The following IL17RE variants were observed in gnomAD, a reference collection of about 807,000 sequenced individuals.
IL17RE encodes interleukin 17 receptor E, also known as interleukin-17 receptor E.
A neutral mutation model predicts 70.7 loss-of-function variants in IL17RE; 47 were observed. The observed-to-expected ratio is 0.67, with a 90% CI of 0.53 to 0.85. IL17RE has a LOEUF of 0.85. Ranked by LOEUF, IL17RE falls within the 40% of genes least tolerant of loss-of-function variation. The probability of loss-of-function intolerance (pLI) is 0.00; values close to 1 mark genes in which losing one functional copy is unlikely to be tolerated. For missense variants in IL17RE, 850 were observed against 893.9 expected (o/e 0.95, Z 0.63); for synonymous variants, 372 against 381.2 (o/e 0.98, Z 0.28).
chr3:9,902,116 G>C (rs1473454239), upstream of IL17RE, among the ~76,000 whole-genome samples: 1 of 152,084 alleles, frequency 6.6e-6, no homozygotes, highest in Non-Finnish European at 1.5e-5. Flanking sequence ...GTGGGATGAT[G>C]GGGAGGGTTC....
Position 9,914,770 on chromosome 3 carries a change from A to G in IL17RE, c.1440A>G (p.Pro480=). Residue 480 remains proline, a synonymous_variant, in exon 15 of 16, where the codon CCA becomes CCG. Transcript: ENST00000383814. ...GVVLALTCRR[P]QSGPGPARPV... ...TTCTGGCCCTCACCTGCCGGCGCCC[A>G]CAGTCAGGTAAGCTCACCTGGGGTA... The G allele has an allele frequency of 6.2e-7, 1 of 1,613,472 alleles. No homozygotes were observed.
Position 9,910,990 on chromosome 3 carries a change from C to T in IL17RE, c.928C>T (p.His310Tyr). Residue 310 changes from histidine (H) to tyrosine (Y), a missense_variant, in exon 9 of 16, where the codon CAT (histidine) becomes TAT (tyrosine). By Grantham distance (83) the His-to-Tyr change is moderately conservative. Coordinates refer to ENST00000383814, the MANE Select transcript of IL17RE (RefSeq NM_153480.2). ...TGCCCTCTGCCAGAGGCACGACTGGCATACCCTTTGCAAAGACCTCCCGAA... is the reference window on the plus strand; with the variant it reads ...TGCCCTCTGCCAGAGGCACGACTGGTATACCCTTTGCAAAGACCTCCCGAA... ...EAALCQRHDWHTLCKDLPNAT... is the reference protein window; with the variant it reads ...EAALCQRHDWYTLCKDLPNAT... The T allele has an allele frequency of 6.2e-7, 1 of 1,614,208 alleles. No homozygotes were observed. Among genetic ancestry groups the T allele is most frequent in the Non-Finnish European group, 8.5e-7 (1 of 1,180,030 alleles).
rs773003230 is a variant in IL17RE, at chr3:9,907,094, T to C, written c.660T>C (p.Asp220=). 6.2e-7 allele frequency: 1 copy of C among 1,614,164 alleles called. No homozygotes were observed. The highest frequency in any genetic ancestry group is 1.1e-5 in the South Asian group (1 of 91,076). ...LECEELSSPY[D]VQKIVSGGHT... ...GTGAAGAGCTGAGCAGTCCCTATGA[T>C]GTCCAGGTATGGTGTGTCATCCCCC... The change falls in exon 6 of 16, where the codon GAT becomes GAC. Residue 220 remains aspartate, a synonymous_variant. Coordinates refer to ENST00000383814, the MANE Select transcript of IL17RE (RefSeq NM_153480.2).
upstream of IL17RE, among the ~76,000 whole-genome samples, chr3:9,902,285 C>T (rs1181656980): frequency 6.6e-6 from 1 of 152,156 alleles, no homozygotes; most frequent in Non-Finnish European, 1.5e-5. Context: ...AAGCTAGAGG[C>T]CCCTTTGGTA....
At position 9,915,173 on chromosome 3, in the gene IL17RE, T is replaced by C; in HGVS notation, c.1448-78T>C. The stretch of plus-strand genomic sequence containing the variant: ...GGGCGGAGAGGCGAGCACCCTACGG[T>C]ATCCCGAGAGGGTGGGGAGAAGAGG... On this transcript the variant is annotated intron_variant, in intron 15 of 15. Transcript: ENST00000383814. This position sits in a 1 kb window ranked among gnomAD's most constrained non-coding sequence, Gnocchi z 4.9. 2 of 1,338,834 alleles carry C rather than the reference T, an allele frequency of 1.5e-6. No homozygotes were observed. Among genetic ancestry groups the C allele is most frequent in the Non-Finnish European group, 1.9e-6 (2 of 1,047,720 alleles). 82.9% of individuals were successfully genotyped at this position (1,338,834 alleles called of 1,614,324 possible).
At chr3:9,913,812 G>A in intron 12 of IL17RE, 144 bp from the exon 13 acceptor site, 1 of 654,826 alleles carries the variant, frequency 1.5e-6, no homozygotes, top group Non-Finnish European at 2.8e-6. Context: ...GACTGGGGAA[G>A]CCTTCTTGTC....
In IL17RE at chr3:9,907,084, G is replaced by A; in HGVS notation, c.650G>A (p.Ser217Asn). 6.2e-7 allele frequency: 1 copy of A among 1,614,194 alleles called. No homozygotes were observed. Among genetic ancestry groups the A allele is most frequent in the Non-Finnish European group, 8.5e-7 (1 of 1,180,034 alleles). Residue 217 changes from serine (S) to asparagine (N), a missense_variant, in exon 6 of 16, where the codon AGT (serine) becomes AAT (asparagine). By Grantham distance (46) the Ser-to-Asn change is conservative. Transcript: ENST00000383814. ...GCACTGGAGTGTGAAGAGCTGAGCA[G>A]TCCCTATGATGTCCAGGTATGGTGT... ...QWALECEELS[S>N]PYDVQKIVSG...
At chr3:9,911,972 G>A (rs2082905227) in intron 12 of IL17RE, among the ~76,000 whole-genome samples, 1 of 152,010 alleles carries the variant, frequency 6.6e-6, no homozygotes, top group Non-Finnish European at 1.5e-5. Context: ...CAGGTGTCCT[G>A]TAGCCCAGGG....
At chr3:9,906,204 G>A (rs1160129144) in intron 3 of IL17RE, among the ~76,000 whole-genome samples, 160 bp from the exon 4 acceptor site, 5 of 152,110 alleles carry the variant, frequency 3.3e-5, no homozygotes, top group Admixed American at 2.0e-4. Flanking sequence ...AGCCGAGATC[G>A]CGCCATTGCT....
chr3:9,907,147 G>C, intron 6 of IL17RE, 47 bp downstream of exon 6: 2 of 1,609,478 alleles, frequency 1.2e-6, no homozygotes, highest in Non-Finnish European at 1.7e-6. Flanking sequence ...CACAGTGCTA[G>C]CAAAAGAGGC....
chr3:9,906,060 A>C (rs2082747434), intron 3 of IL17RE, among the ~76,000 whole-genome samples: 2 of 151,442 alleles, frequency 1.3e-5, no homozygotes, highest in African/African-American at 4.9e-5. Flanking sequence ...GACCAGCCTG[A>C]CCAACACGCA....
chr3:9,915,380 T>C lies in IL17RE; in HGVS notation c.1577T>C (p.Leu526Pro). 1.5e-6 allele frequency: 2 copies of C among 1,366,116 alleles called. No homozygotes were observed. Among genetic ancestry groups the C allele is most frequent in the South Asian group, 1.8e-5 (1 of 55,190 alleles). The allele number at this position is 1,366,116 out of a possible 1,614,324, so 84.6% of individuals were successfully genotyped here. Reference protein sequence around the residue: ...LGGGRDVIVDLWEGRHVARVG... With the variant: ...LGGGRDVIVDPWEGRHVARVG... ...GGCGGGCGCGACGTGATCGTGGACC[T>C]GTGGGAGGGGAGGCACGTGGCGCGC... The change falls in exon 16 of 16, where the codon CTG (leucine) becomes CCG (proline). Residue 526 changes from leucine to proline, a missense_variant. Physicochemically the swap from Leu to Pro is moderately conservative, Grantham distance 98. Coordinates refer to ENST00000383814, the MANE Select transcript of IL17RE (RefSeq NM_153480.2). The surrounding 1 kb of genome is among the most constrained non-coding windows in gnomAD (Gnocchi z 4.9).
rs755538813 is a variant in IL17RE at position 9,908,313 on chromosome 3, C to G, written c.735+6C>G. On this transcript the variant is annotated splice_donor_region_variant and intron_variant, in intron 7 of 15. Transcript: ENST00000383814. The stretch of plus-strand genomic sequence containing the variant: ...TGCCCTGTCTGTGCATAGAGGTGAG[C>G]AAAGGAAAAGGTGTGGGCTGTCCAT... The G allele has an allele frequency of 6.2e-7, 1 of 1,613,298 alleles. No homozygotes were observed. The highest frequency in any genetic ancestry group is 8.5e-7 in the Non-Finnish European group (1 of 1,179,484).
upstream of IL17RE, chr3:9,902,766 T>C: frequency 1.3e-6 from 2 of 1,537,512 alleles, no homozygotes; most frequent in Non-Finnish European, 1.7e-6. Flanking sequence ...GAATGTGGCC[T>C]GGCTGGCTGG....
intron 13 of IL17RE, 170 bp from the exon 14 acceptor site, chr3:9,914,378 C>T: frequency 6.8e-7 from 1 of 1,480,364 alleles, no homozygotes; most frequent in Non-Finnish European, 8.9e-7. Context: ...TTGAGTTTGC[C>T]ACCATTGACC....
chr3:9,902,499 C>G, upstream of IL17RE: 1 of 879,980 alleles, frequency 1.1e-6, no homozygotes, highest in East Asian at 2.6e-5. Flanking sequence ...CTTAAGAGCT[C>G]GGCTAATTCT....
At chr3:9,910,366 C>CAA (rs561370953) in intron 8 of IL17RE, 105 of 139,182 alleles carry the variant, frequency 7.5e-4, no homozygotes, top group Admixed American at 1.9e-3. Flanking sequence ...AACTCCGTCT[C>CAA]AAAAAAAAAA....
chr3:9,908,351 A>G (rs374479824), intron 7 of IL17RE, 44 bp downstream of exon 7: 58 of 1,550,892 alleles, frequency 3.7e-5, no homozygotes, highest in Non-Finnish European at 5.0e-5. Context: ...CTCTGCTCCT[A>G]AGCCCCCAAG....
chr3:9,910,722 C>T (rs866846807), intron 8 of IL17RE, 143 bp from the exon 9 acceptor site: 1 of 651,890 alleles, frequency 1.5e-6, no homozygotes, highest in Non-Finnish European at 2.7e-6. Context: ...GAAAGGGATG[C>T]TCATTGATTT....
Sources: allele counts gnomAD v4.1 joint callset (sites outside exome capture counted in the v4.1 genomes callset), GRCh38; gene constraint gnomAD v4.1.1; non-coding constraint Gnocchi (gnomAD v3.1); transcripts MANE v1.5; gene names NCBI Gene and HGNC (gene_info 2026-07-23, HGNC 2026-07-21).